Variants in GRIN2B observed in about 807,000 individuals in gnomAD.
GRIN2B encodes the protein glutamate ionotropic receptor NMDA type subunit 2B, also known as glutamate receptor ionotropic, NMDA 2B.
A neutral mutation model predicts 114.5 loss-of-function variants in GRIN2B; 5 were observed. The observed-to-expected ratio is 0.04, with a 90% CI of 0.02 to 0.09. The LOEUF (loss-of-function observed/expected upper bound fraction) is 0.09. GRIN2B is among the 10% of genes least tolerant of loss of function. The pLI is 1.00. For missense variants in GRIN2B, 1,108 were observed against 1,943.5 expected (o/e 0.57, Z 8.08); for synonymous variants, 787 against 745.1 (o/e 1.06, Z -0.92).
Position 13,770,735 on chromosome 12 carries a change from T to C in GRIN2B, c.412-16820A>G, listed in dbSNP as rs187414091. On this transcript the variant is annotated intron_variant, in intron 3 of 13. Transcript: ENST00000609686. ...CCCTGTGTCCATGTGTTCTCATTGC[T>C]CAGCTCCCACTTATGAGTGAGAAGC... 2.5e-4 allele frequency among the ~76,000 whole-genome samples: 38 copies of C among 152,318 alleles called. No individual in the cohort carries two copies. The East Asian group carries it at 5.0e-3, about 20-fold the overall frequency.
intron 2 of GRIN2B, among the ~76,000 whole-genome samples, chr12:13,887,409 C>T (rs539507045): frequency 6.6e-6 from 1 of 151,914 alleles, no homozygotes; most frequent in South Asian, 2.1e-4. Flanking sequence ...GTAAAATCTT[C>T]ACAGGAAAAA....
chr12:13,846,992 C>T (rs185763314), intron 3 of GRIN2B, among the ~76,000 whole-genome samples: 6 of 152,138 alleles, frequency 3.9e-5, no homozygotes, highest in South Asian at 4.2e-4. Context: ...ACACGTGTCG[C>T]GGTTGCTATT....
chr12:13,662,682 G>T (rs917679850), intron 5 of GRIN2B, among the ~76,000 whole-genome samples: 1 of 152,112 alleles, frequency 6.6e-6, no homozygotes, highest in Non-Finnish European at 1.5e-5. Flanking sequence ...AGGGGCTCGG[G>T]AAAATATTCG....
intron 2 of GRIN2B, among the ~76,000 whole-genome samples, chr12:13,951,730 A>G (rs1162156825): frequency 6.6e-6 from 1 of 152,214 alleles, no homozygotes; most frequent in African/African-American, 2.4e-5. Flanking sequence ...CTCTCTCTCT[A>G]GACTGTGAGC....
chr12:13,624,708 C>T (rs575900580), intron 5 of GRIN2B, among the ~76,000 whole-genome samples: 1 of 152,240 alleles, frequency 6.6e-6, no homozygotes, highest in Admixed American at 6.5e-5. Context: ...CCAGCCAATC[C>T]TGTCTGGCAC....
intron 2 of GRIN2B, among the ~76,000 whole-genome samples, chr12:13,978,364 C>T (rs1863066945): frequency 6.6e-6 from 1 of 152,048 alleles, no homozygotes; most frequent in Non-Finnish European, 1.5e-5. Context: ...AAGTGGGATC[C>T]CACCCTCTCA....
intron 3 of GRIN2B, among the ~76,000 whole-genome samples, chr12:13,838,243 G>A (rs150170348): frequency 7.2e-5 from 11 of 152,290 alleles, no homozygotes; most frequent in African/African-American, 1.7e-4. Flanking sequence ...GACAAAGCCT[G>A]AAGCACAGTC....
At chr12:13,677,677 C>T (rs1370507917) in intron 4 of GRIN2B, among the ~76,000 whole-genome samples, 1 of 151,844 alleles carries the variant, frequency 6.6e-6, no homozygotes, top group Admixed American at 6.6e-5. Context: ...CTTTTAATGG[C>T]ACCTTCTGGG....
At chr12:13,835,357 A>C (rs750283994) in intron 3 of GRIN2B, among the ~76,000 whole-genome samples, 2 of 152,198 alleles carry the variant, frequency 1.3e-5, no homozygotes, top group Non-Finnish European at 2.9e-5. Flanking sequence ...AATCCTGTCT[A>C]TCTTGTGAGC....
chr12:13,599,458 T>G (rs571912260), intron 10 of GRIN2B, among the ~76,000 whole-genome samples: 1 of 152,336 alleles, frequency 6.6e-6, no homozygotes, highest in Middle Eastern at 3.4e-3. Flanking sequence ...CATTCTAGGC[T>G]TGATGCTTTT....
rs1372609794 is a variant in GRIN2B, at chr12:13,559,178, C to A, written c.*3605G>T. 1 of 147,746 alleles carries A rather than the reference C, an allele frequency of 6.8e-6. No homozygotes were observed. Among genetic ancestry groups the A allele is most frequent in the African/African-American group, 2.6e-5 (1 of 38,236 alleles). The allele number at this position is 147,746 out of a possible 1,614,324, so 9.2% of individuals were successfully genotyped here. The stretch of plus-strand genomic sequence containing the variant: ...AAGTAACATCTAGATTTTAACAATG[C>A]CCAGCCTTCCTTTCTTTAAGTTTTC... On this transcript the variant is annotated 3_prime_UTR_variant, in exon 14 of 14. Coordinates refer to ENST00000609686, the MANE Select transcript of GRIN2B (RefSeq NM_000834.5).
At chr12:13,756,542 G>A (rs1565526159) in intron 3 of GRIN2B, among the ~76,000 whole-genome samples, 1 of 152,190 alleles carries the variant, frequency 6.6e-6, no homozygotes, top group Non-Finnish European at 1.5e-5. Context: ...AAAACTGGGG[G>A]ATTCCGAAAT....
At chr12:13,851,547 C>T (rs1408186657) in intron 3 of GRIN2B, among the ~76,000 whole-genome samples, 1 of 152,116 alleles carries the variant, frequency 6.6e-6, no homozygotes, top group African/African-American at 2.4e-5. Flanking sequence ...TTGCTCCAAA[C>T]CTATTAAATC....
At chr12:13,818,669 T>C (rs1440177334) in intron 3 of GRIN2B, among the ~76,000 whole-genome samples, 1 of 152,100 alleles carries the variant, frequency 6.6e-6, no homozygotes, top group African/African-American at 2.4e-5. Context: ...GAATAGAAAG[T>C]AGTTTTAAGA....
At chr12:13,583,792 C>T (rs981986213) in intron 10 of GRIN2B, among the ~76,000 whole-genome samples, 2 of 152,018 alleles carry the variant, frequency 1.3e-5, no homozygotes, top group African/African-American at 2.4e-5. Context: ...TCTGCACTGA[C>T]GTTGGGAGGA....
In GRIN2B at chr12:13,612,290, C is replaced by T. The variant is rs536391159; in HGVS notation, c.1655-440G>A. 1.2e-4 allele frequency among the ~76,000 whole-genome samples: 18 copies of T among 152,334 alleles called. No homozygotes were observed. The South Asian group carries it at 1.7e-3, about 14-fold the overall frequency. On this transcript the variant is annotated intron_variant, in intron 8 of 13. Coordinates refer to ENST00000609686, the MANE Select transcript of GRIN2B (RefSeq NM_000834.5). ...ACCTTGCAGATACAGTCTTTCTCAACAGACCTACCTACTATTTTAGAGTTG... is the reference window on the plus strand; with the variant it reads ...ACCTTGCAGATACAGTCTTTCTCAATAGACCTACCTACTATTTTAGAGTTG...
chr12:13,855,925 A>G (rs1048795260), intron 3 of GRIN2B, among the ~76,000 whole-genome samples: 1 of 152,226 alleles, frequency 6.6e-6, no homozygotes, highest in African/African-American at 2.4e-5. Context: ...TGCACCTGAC[A>G]CTATGTGCTA....
intron 3 of GRIN2B, among the ~76,000 whole-genome samples, chr12:13,770,809 G>A (rs1267811103): frequency 6.6e-6 from 1 of 152,178 alleles, no homozygotes; most frequent in African/African-American, 2.4e-5. Context: ...TATGTGCAGA[G>A]TTGGAAAGCT....
chr12:13,723,147 T>C (rs78565427), intron 4 of GRIN2B, among the ~76,000 whole-genome samples: 1 of 152,008 alleles, frequency 6.6e-6, no homozygotes, highest in African/African-American at 2.4e-5. Context: ...TTTTTTGTTT[T>C]TTATTATTAT....
Sources: allele counts gnomAD v4.1 joint callset (sites outside exome capture counted in the v4.1 genomes callset), GRCh38; gene constraint gnomAD v4.1.1; transcripts MANE v1.5; gene names NCBI Gene and HGNC (gene_info 2026-07-23, HGNC 2026-07-21).